GARNL3: variants seen among roughly 807,000 people sequenced by gnomAD.
GARNL3 encodes the protein GTPase activating Rap/RanGAP domain like 3, also known as GTPase-activating Rap/Ran-GAP domain-like protein 3.
In GARNL3, 63 loss-of-function variants were observed where a neutral mutation model predicts 125.0. That is an observed-to-expected ratio of 0.50 (90% CI 0.41 to 0.62). GARNL3 has a LOEUF of 0.62. Among genes scored for constraint, GARNL3 ranks in the 20% least tolerant of loss-of-function variants. GARNL3 has a pLI of 0.00. For synonymous variants in GARNL3, 439 were observed against 457.5 expected (o/e 0.96, Z 0.52); for missense variants, 994 against 1,244.0 (o/e 0.80, Z 3.02).
chr9:127,267,184 C>T (rs1355000861), intron 1 of GARNL3, among the ~76,000 whole-genome samples: 1 of 152,110 alleles, frequency 6.6e-6, no homozygotes, highest in Non-Finnish European at 1.5e-5. Flanking sequence ...AAACGTTCTT[C>T]AATCCATTTG....
At chr9:127,375,953 A>G (rs765594682) in intron 22 of GARNL3, among the ~76,000 whole-genome samples, 21 of 151,884 alleles carry the variant, frequency 1.4e-4, no homozygotes, top group African/African-American at 4.8e-5. Flanking sequence ...GTAACCTCCA[A>G]TGACATCTTT....
chr9:127,320,686 T>C lies in GARNL3; in HGVS notation c.504-29T>C, dbSNP rs144450026. The C allele has an allele frequency of 2.3e-4, 355 of 1,560,218 alleles. 1 individual carries two copies. In the African/African-American group the frequency reaches 4.3e-3, roughly 19 times the overall value. ...AGCTCCTTTTTAGCTTCTCTGATGC[T>C]GCAGCTCATCCTGTCCATTCTATTT... On this transcript the variant is annotated intron_variant, in intron 5 of 27. Coordinates refer to ENST00000373387, the MANE Select transcript of GARNL3 (RefSeq NM_032293.5).
At position 127,393,508 on chromosome 9, in the gene GARNL3, A is replaced by G; in HGVS notation, c.*254A>G. ...AGATTTCATTGAGGTTTTAGATTGA[A>G]ACTTTGAATAAATCAAAAATACTCA... is the stretch of plus-strand genomic sequence containing the variant. On this transcript the variant is annotated 3_prime_UTR_variant, in exon 28 of 28. Transcript: ENST00000373387. 7.0e-6 allele frequency: 2 copies of G among 285,354 alleles called. No homozygotes were observed. Among genetic ancestry groups the G allele is most frequent in the Non-Finnish European group, 1.3e-5 (2 of 154,302 alleles). The allele number at this position is 285,354 out of a possible 1,614,324, so 17.7% of individuals were successfully genotyped here.
At chr9:127,301,968 T>A (rs1022969188) in intron 2 of GARNL3, among the ~76,000 whole-genome samples, 1 of 121,846 alleles carries the variant, frequency 8.2e-6, no homozygotes, top group African/African-American at 3.1e-5. Context: ...TGAGACAGAG[T>A]CTCGCTCTGT....
chr9:127,225,449 G>T (rs1588644410), intron 1 of GARNL3: 2 of 779,638 alleles, frequency 2.6e-6, no homozygotes, highest in East Asian at 2.6e-4. Flanking sequence ...TGCCGGCCAC[G>T]TGGGGGGATG....
At chr9:127,367,049 T>C (rs1172067414) in intron 22 of GARNL3, 2 of 152,214 alleles carry the variant, frequency 1.3e-5, no homozygotes, top group Non-Finnish European at 2.9e-5. Flanking sequence ...AGCTTCAGTC[T>C]TCCCCAAACC....
chr9:127,251,376 C>T (rs2063400069), intron 2 of GARNL3, among the ~76,000 whole-genome samples: 1 of 152,150 alleles, frequency 6.6e-6, no homozygotes, highest in Admixed American at 6.5e-5. Context: ...CTCTCAATCA[C>T]CATTGATTTC....
intron 22 of GARNL3, among the ~76,000 whole-genome samples, chr9:127,368,182 G>A (rs761397191): frequency 6.6e-6 from 1 of 151,346 alleles, no homozygotes; most frequent in Non-Finnish European, 1.5e-5. Flanking sequence ...TTGAAGAGGA[G>A]CACTCTGGCT....
chr9:127,259,088 G>A (rs73669830), upstream of GARNL3, among the ~76,000 whole-genome samples: 11,210 of 152,256 alleles, frequency 0.074, 1,380 homozygotes, highest in African/African-American at 0.25. Flanking sequence ...TGTCAGTTGA[G>A]TGATGACCTG....
At chr9:127,315,691 AACTCT>A (rs1432402834) in intron 4 of GARNL3, among the ~76,000 whole-genome samples, 8 of 152,214 alleles carry the variant, frequency 5.3e-5, no homozygotes, top group South Asian at 2.1e-4. Flanking sequence ...CTAAACATAT[AACTCT>A]ACTCTACACA....
intron 6 of GARNL3, among the ~76,000 whole-genome samples, chr9:127,322,970 C>T (rs1477773351): frequency 3.3e-5 from 5 of 152,046 alleles, no homozygotes; most frequent in East Asian, 3.9e-4. Context: ...CAGATAGTTG[C>T]GATATGTTTC....
chr9:127,369,861 G>A (rs1300558961), intron 22 of GARNL3, among the ~76,000 whole-genome samples: 1 of 152,208 alleles, frequency 6.6e-6, no homozygotes, highest in African/African-American at 2.4e-5. Context: ...ATAGGGAAGG[G>A]AGGACTAGTG....
At position 127,242,835 on chromosome 9, in the gene GARNL3, C is replaced by T. The variant is rs974457139; in HGVS notation, c.-28-244C>T. ...CTGGGCCTCCTTTTACTTTATACTC[C>T]GCGGACTTAACTGATTGCTGAGGGA... On this transcript the variant is annotated intron_variant, in intron 1 of 10. Coordinates refer to the GARNL3 transcript ENST00000439286. The surrounding 1 kb of genome is among the most constrained non-coding windows in gnomAD (Gnocchi z 4.6). 1.4e-4 allele frequency among the ~76,000 whole-genome samples: 21 copies of T among 152,046 alleles called. No individual in the cohort carries two copies. Among genetic ancestry groups the T allele is most frequent in the African/African-American group, 4.3e-4 (18 of 41,390 alleles).
chr9:127,291,899 G>A (rs1368399412), intron 2 of GARNL3, among the ~76,000 whole-genome samples: 1 of 151,926 alleles, frequency 6.6e-6, no homozygotes, highest in East Asian at 1.9e-4. Context: ...AAGGACCCCA[G>A]CCACCCTGAG....
intron 2 of GARNL3, among the ~76,000 whole-genome samples, chr9:127,298,303 C>T (rs1004625922): frequency 2.6e-5 from 4 of 152,128 alleles, no homozygotes; most frequent in Non-Finnish European, 4.4e-5. Context: ...CTCAGCCTCC[C>T]AAATAGCTGG....
chr9:127,370,936 A>G (rs1228021067), intron 22 of GARNL3, among the ~76,000 whole-genome samples: 1 of 152,104 alleles, frequency 6.6e-6, no homozygotes, highest in Non-Finnish European at 1.5e-5. Flanking sequence ...TCCTTACTGT[A>G]CAGCCCACTT....
At chr9:127,254,598 G>A (rs1333562682) in intron 2 of GARNL3, among the ~76,000 whole-genome samples, 2 of 151,898 alleles carry the variant, frequency 1.3e-5, no homozygotes, top group African/African-American at 4.8e-5. Flanking sequence ...GTGAAACCCC[G>A]TCTCTACTAA....
At chr9:127,281,144 T>A (rs2064092161) in intron 1 of GARNL3, among the ~76,000 whole-genome samples, 2 of 151,930 alleles carry the variant, frequency 1.3e-5, no homozygotes, top group African/African-American at 4.8e-5. Context: ...TAACCACAGA[T>A]CCCCAGATAG....
intron 26 of GARNL3, 106 bp from the exon 27 acceptor site, chr9:127,390,535 C>G (rs1832766777): frequency 1.0e-6 from 1 of 972,976 alleles, no homozygotes. Flanking sequence ...CTTCCTGACT[C>G]TAGCACAACA....
Sources: allele counts gnomAD v4.1 joint callset (sites outside exome capture counted in the v4.1 genomes callset), GRCh38; gene constraint gnomAD v4.1.1; non-coding constraint Gnocchi (gnomAD v3.1); transcripts MANE v1.5; gene names NCBI Gene and HGNC (gene_info 2026-07-23, HGNC 2026-07-21).